Variants in ASPH observed in about 807,000 individuals in gnomAD.
The protein encoded by ASPH is aspartyl/asparaginyl beta-hydroxylase.
ASPH carries 100 observed loss-of-function variants against 118.4 expected under a neutral mutation model. That is an observed-to-expected ratio of 0.84 (90% confidence interval 0.72 to 1.00). ASPH has a LOEUF of 1.00. ASPH is among the 50% of genes least tolerant of loss of function. The pLI is 0.00. For missense variants in ASPH, 920 were observed against 919.5 expected (o/e 1.00, Z -0.01); for synonymous variants, 315 against 325.6 (o/e 0.97, Z 0.35).
At chr8:61,668,255 TG>T in intron 3 of ASPH, 1 of 1,610,744 alleles carries the variant, frequency 6.2e-7, no homozygotes, top group Non-Finnish European at 8.5e-7. Flanking sequence ...GTTTTTCTCT[TG>T]GCTACCCCAC....
intron 21 of ASPH, among the ~76,000 whole-genome samples, chr8:61,527,619 A>G (rs1026539377): frequency 6.6e-6 from 1 of 152,202 alleles, no homozygotes; most frequent in Non-Finnish European, 1.5e-5. Context: ...GGAGAACTTT[A>G]TTTTTCAAAA....
chr8:61,594,435 A>G (rs765001153), intron 14 of ASPH, among the ~76,000 whole-genome samples: 21 of 152,352 alleles, frequency 1.4e-4, no homozygotes, highest in Middle Eastern at 3.4e-3. Flanking sequence ...GAAGGACCTG[A>G]AACAAAACAG....
intron 14 of ASPH, among the ~76,000 whole-genome samples, chr8:61,586,221 T>C (rs1839403397): frequency 6.6e-6 from 1 of 152,194 alleles, no homozygotes; most frequent in Non-Finnish European, 1.5e-5. Context: ...CTCCTTGGGA[T>C]GTTATATTCT....
chr8:61,530,923 G>C (rs527621419), intron 21 of ASPH, among the ~76,000 whole-genome samples: 2 of 152,294 alleles, frequency 1.3e-5, no homozygotes, highest in Non-Finnish European at 2.9e-5. Context: ...ATTATAGAAG[G>C]TTAACAATTA....
At chr8:61,625,449 C>T in intron 13 of ASPH, 4 of 985,286 alleles carry the variant, frequency 4.1e-6, no homozygotes, top group Non-Finnish European at 4.8e-6. Flanking sequence ...GTAATTTATA[C>T]AGGTTTTCTA....
intron 13 of ASPH, among the ~76,000 whole-genome samples, chr8:61,622,362 A>C (rs1205594268): frequency 6.6e-6 from 1 of 152,144 alleles, no homozygotes; most frequent in East Asian, 1.9e-4. Context: ...AACAAACAAA[A>C]AACAGATATA....
intron 18 of ASPH, among the ~76,000 whole-genome samples, chr8:61,561,062 C>T (rs900831410): frequency 7.8e-5 from 9 of 115,940 alleles, no homozygotes; most frequent in South Asian, 6.2e-4. Flanking sequence ...AAGGAAGGAA[C>T]GAAGGAAGGG....
At chr8:61,638,733 T>TGGGTTAGAGGCAGA (rs1472795003) in intron 10 of ASPH, among the ~76,000 whole-genome samples, 1 of 152,188 alleles carries the variant, frequency 6.6e-6, no homozygotes, top group Non-Finnish European at 1.5e-5. Context: ...ACCTCTAACC[T>TGGGTTAGAGGCAGA]GGGGCCAAAC....
Position 61,503,282 on chromosome 8 carries a change from T to C in ASPH, c.*77A>G. ...GGAATTGACTCTTGGTGTTCGAAAT[T>C]CTATCCTCACACCCAAGGAGATGGA... On this transcript the variant is annotated 3_prime_UTR_variant, in exon 25 of 25. Coordinates refer to ENST00000379454, the MANE Select transcript of ASPH (RefSeq NM_004318.4). 6.7e-7 allele frequency: 1 copy of C among 1,484,850 alleles called. No individual in the cohort carries two copies. The allele number at this position is 1,484,850 out of a possible 1,614,324, so 92.0% of individuals were successfully genotyped here.
rs1038732156 is a variant in ASPH, at chr8:61,594,509, T to C, written c.977-10480A>G. ...TGATTTTGCTCTGCAACATCTCAGC[T>C]ACATGTAAAGATTAGTACAGGAATC... On this transcript the variant is annotated intron_variant, in intron 14 of 24. Transcript: ENST00000379454. Among the ~76,000 whole-genome samples the C allele has an allele frequency of 3.9e-5, 6 of 152,238 alleles. No individual in the cohort carries two copies. In the South Asian group the frequency reaches 6.2e-4, roughly 16 times the overall value.
At chr8:61,643,112 A>C (rs1167997256) in intron 9 of ASPH, among the ~76,000 whole-genome samples, 192 bp from the exon 10 acceptor site, 1 of 152,218 alleles carries the variant, frequency 6.6e-6, no homozygotes, top group Non-Finnish European at 1.5e-5. Context: ...TTTTCATTAA[A>C]ATTTCTCAAA....
At chr8:61,670,140 A>G (rs1249159060) in intron 3 of ASPH, among the ~76,000 whole-genome samples, 1 of 152,160 alleles carries the variant, frequency 6.6e-6, no homozygotes, top group African/African-American at 2.4e-5. Context: ...GTTTCTGAAG[A>G]AAAGTATATA....
At chr8:61,523,463 G>T (rs182995940) in intron 22 of ASPH, among the ~76,000 whole-genome samples, 1 of 151,508 alleles carries the variant, frequency 6.6e-6, no homozygotes, top group Non-Finnish European at 1.5e-5. Context: ...TTACAGGCAC[G>T]TGCCACTATG....
Position 61,685,421 on chromosome 8 carries a change from G to C in ASPH, c.104-1233C>G, listed in dbSNP as rs1410565061. On this transcript the variant is annotated intron_variant, in intron 1 of 24. Coordinates refer to ENST00000379454, the MANE Select transcript of ASPH (RefSeq NM_004318.4). ...CTCCCAAAGTCACCAGTACAAGTTG[G>C]GTAGAACTAAGAACATACTCTCATC... Among the ~76,000 whole-genome samples, 4 of 152,152 alleles carry C rather than the reference G, an allele frequency of 2.6e-5. No individual in the cohort carries two copies. The South Asian group carries it at 8.3e-4, about 32-fold the overall frequency.
At chr8:61,687,270 A>C (rs1299616331) in intron 1 of ASPH, 2 of 152,166 alleles carry the variant, frequency 1.3e-5, no homozygotes, top group Non-Finnish European at 2.9e-5. Context: ...TACTCATTTA[A>C]GTTATTGACT....
chr8:61,609,254 C>T (rs545125482), intron 14 of ASPH, among the ~76,000 whole-genome samples: 1 of 152,308 alleles, frequency 6.6e-6, no homozygotes, highest in African/African-American at 2.4e-5. Flanking sequence ...ACGTGGAAAT[C>T]CTGCTTTCTG....
At chr8:61,579,677 T>A in intron 15 of ASPH, 1 of 1,387,226 alleles carries the variant, frequency 7.2e-7, no homozygotes, top group South Asian at 1.2e-5. Context: ...AGTGAACAGC[T>A]GTGGCAGCCC....
chr8:61,625,398 T>C (rs1852402294), intron 13 of ASPH: 25 of 985,566 alleles, frequency 2.5e-5, no homozygotes, highest in Non-Finnish European at 3.0e-5. Context: ...GGGGAATTAC[T>C]CAATTAGCCA....
At chr8:61,643,745 C>T (rs1394084893) in intron 8 of ASPH, among the ~76,000 whole-genome samples, 200 bp downstream of exon 8, 15 of 152,182 alleles carry the variant, frequency 9.9e-5, no homozygotes, top group East Asian at 7.7e-4. Context: ...TTGAAAAATA[C>T]GTCTCCTTTT....
Sources: gnomAD v4.1 joint callset for allele counts (sites outside exome capture counted in the v4.1 genomes callset) on GRCh38, gnomAD v4.1.1 for gene constraint, MANE v1.5 for transcripts, NCBI Gene and HGNC (gene_info 2026-07-23, HGNC 2026-07-21) for gene names.